Variants in MNAT1 observed in about 807,000 individuals in gnomAD.
MNAT1 encodes the protein CDK-activating kinase assembly factor MAT1.
MNAT1 carries 43 observed loss-of-function variants against 42.0 expected under a neutral mutation model. The observed-to-expected ratio is 1.02, with a 90% confidence interval of 0.80 to 1.32. The LOEUF is 1.32. MNAT1 is among the 40% of genes most tolerant of loss of function. MNAT1 has a pLI of 0.00. For synonymous variants in MNAT1, 118 were observed against 120.0 expected, an observed-to-expected ratio of 0.98 and a Z score of 0.11; for missense variants, 306 against 350.4, an observed-to-expected ratio of 0.87 and a Z score of 1.01.
chr14:60,849,123 G>T (rs1566793146), intron 6 of MNAT1, among the ~76,000 whole-genome samples: 1 of 152,144 alleles, frequency 6.6e-6, no homozygotes. Flanking sequence ...CTTAAACAGT[G>T]TTTGTTTTGG....
At chr14:60,937,173 G>T (rs1285955428) in intron 7 of MNAT1, among the ~76,000 whole-genome samples, 1 of 151,982 alleles carries the variant, frequency 6.6e-6, no homozygotes, top group Non-Finnish European at 1.5e-5. Flanking sequence ...CCATTCTGTA[G>T]GTTGCCTGTT....
At chr14:60,884,193 T>G (rs1418221878) in intron 7 of MNAT1, among the ~76,000 whole-genome samples, 3 of 152,024 alleles carry the variant, frequency 2.0e-5, no homozygotes, top group African/African-American at 4.8e-5. Context: ...GTATACTAGC[T>G]GCAGGTCTGT....
At chr14:60,748,478 G>A (rs767197928) in intron 1 of MNAT1, among the ~76,000 whole-genome samples, 2 of 152,174 alleles carry the variant, frequency 1.3e-5, no homozygotes, top group African/African-American at 4.8e-5. Flanking sequence ...TGATCCTCTC[G>A]CCTTGGCCTC....
At chr14:60,908,827 G>A (rs573658653) in intron 7 of MNAT1, among the ~76,000 whole-genome samples, 8 of 152,156 alleles carry the variant, frequency 5.3e-5, no homozygotes, top group African/African-American at 1.9e-4. Context: ...TAATTCTTTG[G>A]GTATATACCC....
At chr14:60,838,303 T>A (rs899233610) in intron 6 of MNAT1, among the ~76,000 whole-genome samples, 1 of 150,940 alleles carries the variant, frequency 6.6e-6, no homozygotes, top group African/African-American at 2.4e-5. Context: ...ACCTGGCGAA[T>A]TTTTTTTTGT....
At chr14:60,848,285 G>T (rs972436853) in intron 6 of MNAT1, among the ~76,000 whole-genome samples, 2 of 152,094 alleles carry the variant, frequency 1.3e-5, no homozygotes, top group African/African-American at 4.8e-5. Flanking sequence ...TCTCATTGAG[G>T]GTCCATTGTG....
rs537237222 is a variant in MNAT1 at position 60,793,467 on chromosome 14, A to T, written c.90-2750A>T. ...AACCTTGAACTCCTGGGCTCAAGTG[A>T]TTGTCCTGCCTCAGCCTCCTGAGTA... On this transcript the variant is annotated intron_variant, in intron 1 of 7. Transcript: ENST00000261245. 1.1e-3 allele frequency among the ~76,000 whole-genome samples: 171 copies of T among 151,456 alleles called. 1 individual carries two copies. The highest frequency in any genetic ancestry group is 1.7e-3 in the Non-Finnish European group (113 of 67,854).
chr14:60,882,873 G>A (rs1192906479), intron 7 of MNAT1, among the ~76,000 whole-genome samples: 3 of 152,040 alleles, frequency 2.0e-5, no homozygotes, highest in South Asian at 4.1e-4. Context: ...TTTGCCATTT[G>A]TATATCTTCC....
At chr14:60,780,143 A>G (rs1300968237) in intron 1 of MNAT1, 1 of 1,512,540 alleles carries the variant, frequency 6.6e-7, no homozygotes, top group African/African-American at 1.4e-5. Flanking sequence ...CTTGCTTGTA[A>G]CTACTGATCT....
chr14:60,774,159 G>C (rs1026916861), intron 1 of MNAT1, among the ~76,000 whole-genome samples: 2 of 152,186 alleles, frequency 1.3e-5, no homozygotes, highest in Non-Finnish European at 2.9e-5. Flanking sequence ...TGGCTGTTTT[G>C]TGGCACAAGT....
chr14:60,837,959 T>C (rs2033438894), intron 6 of MNAT1, among the ~76,000 whole-genome samples: 2 of 152,204 alleles, frequency 1.3e-5, no homozygotes, highest in South Asian at 2.1e-4. Context: ...GAAAGACCTG[T>C]AGCCTTTGTA....
At chr14:60,834,132 C>T (rs192534235) in intron 6 of MNAT1, among the ~76,000 whole-genome samples, 28 of 152,174 alleles carry the variant, frequency 1.8e-4, no homozygotes, top group Non-Finnish European at 2.6e-4. Flanking sequence ...CTCCTGTATT[C>T]ATTGATTTTT....
chr14:60,860,982 A>G (rs2034081830), intron 6 of MNAT1, among the ~76,000 whole-genome samples: 1 of 152,344 alleles, frequency 6.6e-6, no homozygotes, highest in South Asian at 2.1e-4. Context: ...AATGAGTTAG[A>G]GGCCTTAGGC....
intron 7 of MNAT1, among the ~76,000 whole-genome samples, chr14:60,936,031 T>G (rs115968792): frequency 0.013 from 1,960 of 152,210 alleles, 44 homozygotes; most frequent in African/African-American, 0.045. Flanking sequence ...CCTCACAGGT[T>G]GAATCCCAGG....
In MNAT1 at chr14:60,779,937, C is replaced by T. The variant is rs746698128; in HGVS notation, c.90-16280C>T. Reference sequence around the variant, plus strand: ...GTGGTTGCTGTCCGTGTAGTGAAAGCGCGTGCCTTTGTTTGTGTCCCTGGC... The same window carrying T: ...GTGGTTGCTGTCCGTGTAGTGAAAGTGCGTGCCTTTGTTTGTGTCCCTGGC... On this transcript the variant is annotated intron_variant, in intron 1 of 7. Coordinates refer to ENST00000261245, the MANE Select transcript of MNAT1 (RefSeq NM_002431.4). The T allele has an allele frequency of 7.7e-6, 10 of 1,304,236 alleles. No individual in the cohort carries two copies. In the East Asian group the frequency reaches 1.7e-4, roughly 22 times the overall value. 80.8% of individuals were successfully genotyped at this position (1,304,236 alleles called of 1,614,324 possible). A position where few individuals can be genotyped will look rare whatever the true frequency, so the allele number is the denominator to read the frequency against.
chr14:60,880,552 A>G (rs1318355029), intron 7 of MNAT1, among the ~76,000 whole-genome samples: 1 of 152,170 alleles, frequency 6.6e-6, no homozygotes, highest in Non-Finnish European at 1.5e-5. Flanking sequence ...TGGAAAGAAT[A>G]TACTGTGAAA....
At chr14:60,823,940 C>T (rs2032979181) in intron 6 of MNAT1, among the ~76,000 whole-genome samples, 1 of 152,000 alleles carries the variant, frequency 6.6e-6, no homozygotes, top group Admixed American at 6.6e-5. Context: ...GGGTGGATCA[C>T]GAGATCAGGA....
intron 7 of MNAT1, among the ~76,000 whole-genome samples, chr14:60,902,374 T>C (rs1041652153): frequency 4.7e-4 from 71 of 152,264 alleles, no homozygotes; most frequent in African/African-American, 1.6e-3. Flanking sequence ...CGGGGTAGAA[T>C]ATTGAGGGCC....
At chr14:60,951,139 A>G (rs981020593) in intron 7 of MNAT1, among the ~76,000 whole-genome samples, 1 of 152,200 alleles carries the variant, frequency 6.6e-6, no homozygotes, top group Admixed American at 6.5e-5. Context: ...ATATAATAAC[A>G]TAATAATTGT....
Sources: gnomAD v4.1 joint callset for allele counts (sites outside exome capture counted in the v4.1 genomes callset) on GRCh38, gnomAD v4.1.1 for gene constraint, MANE v1.5 for transcripts, NCBI Gene and HGNC (gene_info 2026-07-23, HGNC 2026-07-21) for gene names.